CRB1: variants seen among roughly 807,000 people sequenced by gnomAD.
CRB1 encodes crumbs cell polarity complex component 1.
In CRB1, 83 loss-of-function variants were observed where a neutral mutation model predicts 120.0. The observed-to-expected ratio is 0.69, with a 90% CI of 0.58 to 0.83. The LOEUF is 0.83. CRB1 is among the 40% of genes least tolerant of loss of function. CRB1 has a pLI of 0.00. For missense variants in CRB1, 1,699 were observed against 1,687.6 expected (o/e 1.01, Z -0.12); for synonymous variants, 625 against 612.5 (o/e 1.02, Z -0.30).
At chr1:197,413,272 A>G (rs1172030173) in intron 5 of CRB1, among the ~76,000 whole-genome samples, 1 of 152,234 alleles carries the variant, frequency 6.6e-6, no homozygotes, top group Non-Finnish European at 1.5e-5. Flanking sequence ...CTTGTACAAA[A>G]TTAAATGCCA....
chr1:197,258,853 A>G, the CRB1 span, among the ~76,000 whole-genome samples: 1 of 152,246 alleles, frequency 6.6e-6, no homozygotes, highest in Non-Finnish European at 1.5e-5. Context: ...AATAATGCAT[A>G]GAAACGTTTT....
At chr1:197,252,592 G>A in the CRB1 span, among the ~76,000 whole-genome samples, 2,444 of 81,854 alleles carry the variant, frequency 0.03, 22 homozygotes, top group Non-Finnish European at 0.048. Context: ...ATGTGTGTGT[G>A]TGTGTGTGTG....
At chr1:197,449,736 C>T (rs946439983) in intron 11 of CRB1, among the ~76,000 whole-genome samples, 1 of 152,144 alleles carries the variant, frequency 6.6e-6, no homozygotes, top group South Asian at 2.1e-4. Flanking sequence ...GTAGCAGTGC[C>T]CTCTGTGGTG....
chr1:197,429,736 C>T, intron 8 of CRB1, 122 bp downstream of exon 8: 1 of 1,055,602 alleles, frequency 9.5e-7, no homozygotes, highest in Non-Finnish European at 1.4e-6. Context: ...ATGGTTGTTT[C>T]CCCTATGCGA....
chr1:197,305,999 A>G (rs1449958145), intron 1 of CRB1, among the ~76,000 whole-genome samples: 1 of 152,078 alleles, frequency 6.6e-6, no homozygotes, highest in East Asian at 1.9e-4. Flanking sequence ...TAAGGAGTGC[A>G]ACCAAGGATG....
At position 197,272,671 on chromosome 1, in the gene CRB1, C is replaced by T. The variant is rs139970381; in HGVS notation, c.70+4189C>T. Among the ~76,000 whole-genome samples, 116 of 152,154 alleles carry T rather than the reference C, an allele frequency of 7.6e-4. 2 individuals are homozygous for T. The East Asian group carries it at 0.022, about 29-fold the overall frequency. On this transcript the variant is annotated intron_variant, in intron 1 of 11. Coordinates refer to ENST00000367400, the MANE Select transcript of CRB1 (RefSeq NM_201253.3). ...TAAATATTGCTGTGTGAAAGAAGCT[C>T]GTCCAGAAAGGCTACATATTGTATG...
Position 197,328,759 on chromosome 1 carries a change from C to T in CRB1, c.408C>T (p.Cys136=), listed in dbSNP as rs1422417249. 2 of 1,611,718 alleles carry T rather than the reference C, an allele frequency of 1.2e-6. No homozygotes were observed. Among genetic ancestry groups the T allele is most frequent in the Non-Finnish European group, 1.7e-6 (2 of 1,178,272 alleles). ...HQDPIYPVCI[C]PAGYAGRFCE... ...ACCCTATTTATCCTGTCTGCATCTG[C>T]CCTGCTGGATATGCTGGAAGATTCT... Residue 136 remains cysteine (C), a synonymous_variant, in exon 2 of 12, where the codon TGC becomes TGT. Coordinates refer to ENST00000367400, the MANE Select transcript of CRB1 (RefSeq NM_201253.3).
At chr1:197,351,427 C>A (rs1458130018) in intron 4 of CRB1, among the ~76,000 whole-genome samples, 2 of 150,528 alleles carry the variant, frequency 1.3e-5, no homozygotes, top group South Asian at 2.1e-4. Flanking sequence ...AGAGCATGTC[C>A]AATTGTGGAA....
intron 1 of CRB1, among the ~76,000 whole-genome samples, chr1:197,327,450 A>T (rs978700350): frequency 3.3e-5 from 5 of 152,338 alleles, no homozygotes; most frequent in African/African-American, 9.6e-5. Context: ...CTAAATAAAC[A>T]TACTCGGCCT....
chr1:197,469,913 C>T (rs564716235), intron 11 of CRB1, among the ~76,000 whole-genome samples: 2 of 152,212 alleles, frequency 1.3e-5, no homozygotes, highest in Admixed American at 6.5e-5. Context: ...GAATAATGCT[C>T]GTGTCTGGTT....
At chr1:197,467,492 T>C (rs554138001) in intron 11 of CRB1, among the ~76,000 whole-genome samples, 5 of 152,336 alleles carry the variant, frequency 3.3e-5, no homozygotes, top group Admixed American at 1.3e-4. Flanking sequence ...TCAGACTTTC[T>C]AATTGTCCCA....
At chr1:197,399,584 A>G (rs1662959625) in intron 5 of CRB1, among the ~76,000 whole-genome samples, 1 of 152,212 alleles carries the variant, frequency 6.6e-6, no homozygotes, top group African/African-American at 2.4e-5. Context: ...CTACTGCCGC[A>G]TAACAAATTT....
intron 11 of CRB1, among the ~76,000 whole-genome samples, chr1:197,458,149 G>A (rs547059354): frequency 3.9e-5 from 6 of 152,134 alleles, no homozygotes; most frequent in South Asian, 4.1e-4. Context: ...GATAATCAAC[G>A]TCAACACACA....
At chr1:197,279,013 C>T (rs1571754610) in intron 1 of CRB1, among the ~76,000 whole-genome samples, 2 of 151,620 alleles carry the variant, frequency 1.3e-5, no homozygotes, top group African/African-American at 2.4e-5. Context: ...AATTTTATTC[C>T]GAAAAATAAA....
chr1:197,219,608 A>G, the CRB1 span, among the ~76,000 whole-genome samples: 1 of 152,250 alleles, frequency 6.6e-6, no homozygotes, highest in Non-Finnish European at 1.5e-5. Flanking sequence ...GTCATGTCGC[A>G]CAGCGAATAC....
chr1:197,286,891 T>C (rs537364641), intron 1 of CRB1, among the ~76,000 whole-genome samples: 71 of 152,054 alleles, frequency 4.7e-4, no homozygotes, highest in African/African-American at 1.4e-3. Flanking sequence ...ATTTGACTTA[T>C]TTTGTTTCAT....
chr1:197,442,471 T>C, intron 11 of CRB1, 179 bp downstream of exon 11: 1 of 1,526,002 alleles, frequency 6.6e-7, no homozygotes, highest in Non-Finnish European at 8.7e-7. Flanking sequence ...TTTCAAGAAA[T>C]GCCTTGATTC....
intron 11 of CRB1, among the ~76,000 whole-genome samples, chr1:197,469,855 G>A (rs925406871): frequency 2.0e-5 from 3 of 152,036 alleles, no homozygotes; most frequent in Non-Finnish European, 4.4e-5. Context: ...GATACGAGGG[G>A]CAGGAAAAGG....
chr1:197,437,272 T>C (rs1031905501), intron 9 of CRB1, among the ~76,000 whole-genome samples: 1 of 152,132 alleles, frequency 6.6e-6, no homozygotes, highest in Non-Finnish European at 1.5e-5. Flanking sequence ...TAAGAAGTTG[T>C]ACATCTCTCC....
Sources: allele counts gnomAD v4.1 joint callset (sites outside exome capture counted in the v4.1 genomes callset), GRCh38; gene constraint gnomAD v4.1.1; transcripts MANE v1.5; gene names NCBI Gene and HGNC (gene_info 2026-07-23, HGNC 2026-07-21).